NBEA: variants seen among roughly 807,000 people sequenced by gnomAD.
The protein encoded by NBEA is lysosomal-trafficking regulator 2.
Under a neutral mutation model 343.4 loss-of-function variants are expected in NBEA, and 44 were observed. The ratio of observed to expected loss-of-function variants is 0.13; its 90% CI spans 0.10 to 0.16. The LOEUF is 0.16. NBEA is among the 10% of genes least tolerant of loss of function. The probability of loss-of-function intolerance (pLI) is 1.00; values close to 1 mark genes in which losing one functional copy is unlikely to be tolerated. For missense variants in NBEA, 2,555 were observed against 3,631.3 expected (o/e 0.70, Z 7.62); for synonymous variants, 1,175 against 1,238.7 (o/e 0.95, Z 1.08).
chr13:35,380,494 G>C (rs546511664), intron 38 of NBEA, among the ~76,000 whole-genome samples: 1 of 152,098 alleles, frequency 6.6e-6, no homozygotes, highest in East Asian at 1.9e-4. Context: ...TCAGTGTGGA[G>C]GTGTTACAGA....
chr13:34,984,964 T>C lies in NBEA; in HGVS notation c.294+41850T>C, dbSNP rs527488582. 4.0e-4 allele frequency among the ~76,000 whole-genome samples: 61 copies of C among 151,192 alleles called. 1 individual carries two copies. Among genetic ancestry groups the C allele is most frequent in the African/African-American group, 1.4e-3 (56 of 41,452 alleles). On this transcript the variant is annotated intron_variant, in intron 1 of 58. Transcript: ENST00000379939. ...CTGAGATGATGGGGTTTTCTAAATA[T>C]ACAATCATGTCATCTGCAAACAGGG...
chr13:35,162,087 T>C (rs2069603473), intron 23 of NBEA, 120 bp downstream of exon 23: 3 of 762,072 alleles, frequency 3.9e-6, no homozygotes, highest in Non-Finnish European at 6.2e-6. Flanking sequence ...CACATTTTTC[T>C]TGTATCTTGT....
chr13:35,060,065 A>G (rs528836049), intron 8 of NBEA, among the ~76,000 whole-genome samples: 3 of 151,854 alleles, frequency 2.0e-5, no homozygotes, highest in African/African-American at 7.2e-5. Context: ...CACATTTTGT[A>G]TTAATATGCT....
At chr13:35,363,634 A>G (rs2040938098) in intron 38 of NBEA, among the ~76,000 whole-genome samples, 1 of 151,888 alleles carries the variant, frequency 6.6e-6, no homozygotes, top group East Asian at 1.9e-4. Flanking sequence ...AAGGGTTGGC[A>G]TAGGATGAAG....
At chr13:35,601,149 C>A (rs529443631) in intron 47 of NBEA, among the ~76,000 whole-genome samples, 1 of 150,884 alleles carries the variant, frequency 6.6e-6, no homozygotes, top group South Asian at 2.1e-4. Flanking sequence ...TGCACTCCAG[C>A]CTGGGTGACA....
At chr13:35,086,676 G>A (rs756369040) in intron 10 of NBEA, among the ~76,000 whole-genome samples, 1 of 151,906 alleles carries the variant, frequency 6.6e-6, no homozygotes, top group Non-Finnish European at 1.5e-5. Context: ...TAAATACTCA[G>A]TAGCAGGATT....
intron 24 of NBEA, chr13:35,165,130 C>T (rs566430781): frequency 7.5e-6 from 4 of 533,630 alleles, no homozygotes; most frequent in Non-Finnish European, 1.5e-5. Context: ...TCCTTAAGCT[C>T]AGAAAGCATA....
chr13:35,224,754 A>G (rs941585712), intron 33 of NBEA, among the ~76,000 whole-genome samples: 28 of 151,982 alleles, frequency 1.8e-4, no homozygotes, highest in African/African-American at 6.3e-4. Flanking sequence ...TTTTGATTCT[A>G]TCGGTTTTTC....
chr13:35,343,325 A>G (rs1232270328), intron 36 of NBEA, among the ~76,000 whole-genome samples: 1 of 152,154 alleles, frequency 6.6e-6, no homozygotes, highest in Non-Finnish European at 1.5e-5. Flanking sequence ...CTCCTATCTC[A>G]GTTATCAAAA....
intron 28 of NBEA, among the ~76,000 whole-genome samples, chr13:35,181,829 G>A (rs1247809985): frequency 6.6e-6 from 1 of 151,754 alleles, no homozygotes; most frequent in Admixed American, 6.6e-5. Flanking sequence ...CATACTTCTG[G>A]CTCATATTGA....
At chr13:35,527,725 C>G (rs2078049813) in intron 41 of NBEA, among the ~76,000 whole-genome samples, 1 of 152,218 alleles carries the variant, frequency 6.6e-6, no homozygotes, top group Non-Finnish European at 1.5e-5. Context: ...GGAGCTAGGG[C>G]TTCCAGGGCC....
At position 35,505,651 on chromosome 13, in the gene NBEA, T is replaced by C. The variant is rs552486379; in HGVS notation, c.6585+33115T>C. ...TAACCAGAGTACAATTTTGAAGAAA[T>C]AGGTTAAAAATGCATTCCCTTAATA... On this transcript the variant is annotated intron_variant, in intron 41 of 58. Transcript: ENST00000379939. Among the ~76,000 whole-genome samples, 3 of 152,292 alleles carry C rather than the reference T, an allele frequency of 2.0e-5. No individual in the cohort carries two copies. In the South Asian group the frequency reaches 6.2e-4, roughly 32 times the overall value.
At chr13:35,220,196 G>A (rs1255170881) in intron 33 of NBEA, among the ~76,000 whole-genome samples, 1 of 152,126 alleles carries the variant, frequency 6.6e-6, no homozygotes, top group African/African-American at 2.4e-5. Flanking sequence ...ATGTACATAT[G>A]TATGCATGTG....
rs1190167018 is a variant in NBEA, at chr13:34,972,112, T to C, written c.294+28998T>C. On this transcript the variant is annotated intron_variant, in intron 1 of 58. Transcript: ENST00000379939. ...AATTTATCCATTTTTTTTCTACATT[T>C]TTAAGTTTATATGCATAGAGGTGTT... 2.0e-5 allele frequency among the ~76,000 whole-genome samples: 3 copies of C among 152,144 alleles called. No homozygotes were observed. The South Asian group carries it at 6.2e-4, about 31-fold the overall frequency.
At chr13:35,594,951 A>T (rs867022054) in intron 47 of NBEA, among the ~76,000 whole-genome samples, 7 of 130,908 alleles carry the variant, frequency 5.3e-5, no homozygotes, top group Non-Finnish European at 7.7e-5. Flanking sequence ...ACATCATCAC[A>T]CACACACACA....
chr13:35,628,382 T>A, intron 49 of NBEA, 134 bp downstream of exon 49: 1 of 676,408 alleles, frequency 1.5e-6, no homozygotes, highest in Non-Finnish European at 2.3e-6. Flanking sequence ...TCTTGACATA[T>A]GTGGAAAAAT....
intron 27 of NBEA, among the ~76,000 whole-genome samples, chr13:35,174,910 A>C (rs1170652059): frequency 6.6e-6 from 1 of 151,280 alleles, no homozygotes; most frequent in African/African-American, 2.4e-5. Flanking sequence ...CTCCTGCCTC[A>C]GCCTCCCAAG....
intron 34 of NBEA, among the ~76,000 whole-genome samples, chr13:35,260,904 C>A (rs1417910870): frequency 6.6e-6 from 1 of 152,124 alleles, no homozygotes; most frequent in East Asian, 1.9e-4. Context: ...AAAGGGTTTT[C>A]TAGAACCATT....
intron 1 of NBEA, among the ~76,000 whole-genome samples, chr13:35,010,110 G>A (rs1190815951): frequency 6.6e-6 from 1 of 152,140 alleles, no homozygotes; most frequent in Non-Finnish European, 1.5e-5. Context: ...TTAAATATAT[G>A]AGGCTGCAAA....
Sources: gnomAD v4.1 joint callset for allele counts (sites outside exome capture counted in the v4.1 genomes callset) on GRCh38, gnomAD v4.1.1 for gene constraint, MANE v1.5 for transcripts, NCBI Gene and HGNC (gene_info 2026-07-23, HGNC 2026-07-21) for gene names.